LCOR: variants seen among roughly 807,000 people sequenced by gnomAD.
The protein encoded by LCOR is ligand-dependent corepressor.
A neutral mutation model predicts 64.4 loss-of-function variants in LCOR; 14 were observed. That is an observed-to-expected ratio of 0.22 (90% confidence interval 0.14 to 0.34). The LOEUF is 0.34. Among genes scored for constraint, LCOR ranks in the 10% least tolerant of loss-of-function variants. The pLI is 1.00. For synonymous variants in LCOR, 643 were observed against 642.5 expected, an observed-to-expected ratio of 1.00 and a Z score of -0.01; for missense variants, 1,686 against 1,765.3, an observed-to-expected ratio of 0.96 and a Z score of 0.80.
intron 4 of LCOR, among the ~76,000 whole-genome samples, chr10:96,918,165 C>G (rs1846987881): frequency 6.6e-6 from 1 of 152,110 alleles, no homozygotes; most frequent in African/African-American, 2.4e-5. Context: ...AAGTAAGAAT[C>G]AGATTAAAAA....
At chr10:96,963,290 A>G (rs1374469090) in intron 7 of LCOR, 1 of 152,192 alleles carries the variant, frequency 6.6e-6, no homozygotes, top group Non-Finnish European at 1.5e-5. Context: ...TAAACTATAT[A>G]TTTTTAAATG....
intron 2 of LCOR, among the ~76,000 whole-genome samples, chr10:96,854,980 T>TA: frequency 6.6e-6 from 1 of 152,338 alleles, no homozygotes; most frequent in African/African-American, 2.4e-5. Context: ...CTCCTCCTCT[T>TA]ATGGCAGTAG....
intron 2 of LCOR, among the ~76,000 whole-genome samples, chr10:96,871,107 A>G (rs968117538): frequency 2.6e-5 from 4 of 152,150 alleles, no homozygotes; most frequent in East Asian, 1.9e-4. Flanking sequence ...TCCAGGCAGG[A>G]GTGCAGTGGT....
At chr10:96,941,330 A>G (rs1374794981) in intron 4 of LCOR, among the ~76,000 whole-genome samples, 5 of 115,274 alleles carry the variant, frequency 4.3e-5, no homozygotes, top group Admixed American at 8.3e-5. Context: ...CTGGCCGGGC[A>G]GAGGAGTCCT....
chr10:96,944,195 G>A lies in LCOR; in HGVS notation c.-101G>A, dbSNP rs1419422174. Reference sequence around the variant, plus strand: ...AAACAAGAGCAAGCAAAAATCATTCGATTCGAGAGACAAGCAGAAGAATTC... The same window carrying A: ...AAACAAGAGCAAGCAAAAATCATTCAATTCGAGAGACAAGCAGAAGAATTC... On this transcript the variant is annotated 5_prime_UTR_variant, in exon 5 of 8. Transcript: ENST00000421806. 11 of 985,532 alleles carry A rather than the reference G, an allele frequency of 1.1e-5. No individual in the cohort carries two copies. Among genetic ancestry groups the A allele is most frequent in the East Asian group, 1.1e-4 (1 of 8,814 alleles). The allele number at this position is 985,532 out of a possible 1,614,324, so 61.0% of individuals were successfully genotyped here.
At chr10:96,848,835 A>G (rs1416215415) in intron 2 of LCOR, among the ~76,000 whole-genome samples, 1 of 152,140 alleles carries the variant, frequency 6.6e-6, no homozygotes, top group African/African-American at 2.4e-5. Flanking sequence ...AGGAATGGTT[A>G]GCTTTTTTGG....
In LCOR at chr10:96,986,694, T is replaced by A. The variant is rs898794767; in HGVS notation, c.*1560T>A. On this transcript the variant is annotated 3_prime_UTR_variant, in exon 8 of 8. Coordinates refer to ENST00000421806, the MANE Select transcript of LCOR (RefSeq NM_001346516.2). ...GTGCAGCGTGTACTTGACTTTTCCA[T>A]TGGGCCGCTCTACAAAAAAAGGCTT... The A allele has an allele frequency of 6.6e-6, 1 of 152,164 alleles. No individual in the cohort carries two copies. The highest frequency in any genetic ancestry group is 2.4e-5 in the African/African-American group (1 of 41,442). 9.4% of individuals were successfully genotyped at this position (152,164 alleles called of 1,614,324 possible).
At chr10:96,896,741 A>T (rs1013697841) in intron 2 of LCOR, among the ~76,000 whole-genome samples, 1 of 151,278 alleles carries the variant, frequency 6.6e-6, no homozygotes, top group African/African-American at 2.4e-5. Context: ...ATTTTAAAAC[A>T]ATCTAGAGTT....
intron 5 of LCOR, among the ~76,000 whole-genome samples, chr10:96,948,605 AT>A (rs1164540436): frequency 1.3e-5 from 2 of 152,216 alleles, no homozygotes; most frequent in Non-Finnish European, 2.9e-5. Flanking sequence ...TCAGTAATGC[AT>A]TCTTCAAATA....
At chr10:96,904,840 G>T (rs1564621102) in intron 2 of LCOR, among the ~76,000 whole-genome samples, 1 of 152,080 alleles carries the variant, frequency 6.6e-6, no homozygotes, top group Admixed American at 6.6e-5. Flanking sequence ...ATTCCCTGTT[G>T]CTATGCAACT....
In LCOR at chr10:96,944,178, G is replaced by A. The variant is rs546275905; in HGVS notation, c.-118G>A. The A allele has an allele frequency of 6.7e-5, 66 of 985,572 alleles. No individual in the cohort carries two copies. In the South Asian group the frequency reaches 2.2e-3, roughly 32 times the overall value. The allele number at this position is 985,572 out of a possible 1,614,324, so 61.1% of individuals were successfully genotyped here. A position where few individuals can be genotyped will look rare whatever the true frequency, so the allele number is the denominator to read the frequency against. ...GGCAAGAAGCTCTGCTTAAACAAGAGCAAGCAAAAATCATTCGATTCGAGA... is the reference window on the plus strand; with the variant it reads ...GGCAAGAAGCTCTGCTTAAACAAGAACAAGCAAAAATCATTCGATTCGAGA... On this transcript the variant is annotated 5_prime_UTR_variant, in exon 5 of 8. Coordinates refer to ENST00000421806, the MANE Select transcript of LCOR (RefSeq NM_001346516.2).
At chr10:96,948,671 G>T (rs547832060) in intron 5 of LCOR, among the ~76,000 whole-genome samples, 1 of 152,260 alleles carries the variant, frequency 6.6e-6, no homozygotes, top group South Asian at 2.1e-4. Flanking sequence ...TGACCTATAG[G>T]TGTGTTAACA....
At chr10:96,869,159 G>A (rs916506409) in intron 2 of LCOR, among the ~76,000 whole-genome samples, 3 of 152,066 alleles carry the variant, frequency 2.0e-5, no homozygotes, top group Non-Finnish European at 2.9e-5. Flanking sequence ...CCCCCGCTTC[G>A]GCCTCCCAAA....
intron 2 of LCOR, among the ~76,000 whole-genome samples, chr10:96,904,467 T>G (rs1355888284): frequency 6.6e-6 from 1 of 152,154 alleles, no homozygotes; most frequent in African/African-American, 2.4e-5. Flanking sequence ...GTGTGAACTT[T>G]GAAGAGGTGG....
chr10:96,832,970 TGGAGATGGG>T, intron 1 of LCOR: 1 of 897,030 alleles, frequency 1.1e-6, no homozygotes, highest in Non-Finnish European at 1.3e-6. Context: ...AAGCGTGAGG[TGGAGATGGG>T]GGCGGAGGGA....
At chr10:96,865,330 A>G (rs1845952557) in intron 2 of LCOR, among the ~76,000 whole-genome samples, 1 of 152,156 alleles carries the variant, frequency 6.6e-6, no homozygotes. Flanking sequence ...ATATTGTTAA[A>G]ATTTTATGGG....
chr10:96,926,475 T>A (rs767060343), intron 4 of LCOR, among the ~76,000 whole-genome samples: 1 of 152,186 alleles, frequency 6.6e-6, no homozygotes, highest in African/African-American at 2.4e-5. Context: ...TTTCTTTGAT[T>A]TCAAGTGATT....
intron 4 of LCOR, among the ~76,000 whole-genome samples, chr10:96,920,136 G>A (rs751748395): frequency 5.3e-5 from 8 of 151,478 alleles, no homozygotes; most frequent in South Asian, 2.1e-4. Flanking sequence ...CAATTTTTCC[G>A]CATTGTTGCC....
intron 7 of LCOR, chr10:96,955,556 G>T: frequency 6.2e-7 from 1 of 1,614,076 alleles, no homozygotes; most frequent in Non-Finnish European, 8.5e-7. Context: ...CCGATTCTTG[G>T]GGCTCAGATG....
Sources: allele counts gnomAD v4.1 joint callset (sites outside exome capture counted in the v4.1 genomes callset), GRCh38; gene constraint gnomAD v4.1.1; transcripts MANE v1.5; gene names NCBI Gene and HGNC (gene_info 2026-07-23, HGNC 2026-07-21).